The following TEAD2 variants were observed in gnomAD, a reference collection of about 807,000 sequenced individuals.
TEAD2 encodes the protein transcriptional enhancer factor TEF-4.
A neutral mutation model predicts 61.4 loss-of-function variants in TEAD2; 51 were observed. The ratio of observed to expected loss-of-function variants is 0.83; its 90% CI spans 0.66 to 1.05. The LOEUF (loss-of-function observed/expected upper bound fraction) is 1.05, where lower values mean the gene tolerates loss of function less well. Ranked by LOEUF, TEAD2 falls within the 50% of genes least tolerant of loss-of-function variation. TEAD2 has a pLI of 0.00. For missense variants in TEAD2, 509 were observed against 600.0 expected (o/e 0.85, Z 1.58); for synonymous variants, 244 against 243.2 (o/e 1.00, Z -0.03).
In TEAD2 at chr19:49,359,395, G is replaced by A. The variant is rs532004821; in HGVS notation, c.297+40C>T. On this transcript the variant is annotated intron_variant, in intron 3 of 12. Transcript: ENST00000593945. This position sits in a 1 kb window ranked among gnomAD's most constrained non-coding sequence, Gnocchi z 4.1. ...ATGCGAGGATGACCCTAAGAAGACC[G>A]GCCCATCCCAGACAGAAGCCCACAA... is the stretch of plus-strand genomic sequence containing the variant. The A allele has an allele frequency of 2.2e-5, 35 of 1,605,458 alleles. No individual in the cohort carries two copies. The highest frequency in any genetic ancestry group is 1.8e-4 in the East Asian group (8 of 44,826).
rs116297052 is a variant in TEAD2, at chr19:49,351,481, C to T, written c.540-116G>A. 8.6e-3 allele frequency: 8,166 copies of T among 954,514 alleles called. 294 individuals carry two copies. The African/African-American group carries it at 0.092, about 11-fold the overall frequency. 59.1% of individuals were successfully genotyped at this position (954,514 alleles called of 1,614,324 possible). ...CCTGTGCATTTTGTGCACAATCTCA[C>T]TGAAGCCTCACAGTGCGTGAGGTAG... On this transcript the variant is annotated intron_variant, in intron 7 of 12. Coordinates refer to ENST00000593945, the MANE Select transcript of TEAD2 (RefSeq NM_001256660.2).
At chr19:49,355,054 GGGGGACACA>G in intron 7 of TEAD2, 85 bp downstream of exon 7, 1 of 686,946 alleles carries the variant, frequency 1.5e-6, no homozygotes, top group Non-Finnish European at 2.6e-6. Flanking sequence ...TACATAAATG[GGGGGACACA>G]GGAGCTAGAA....
intron 7 of TEAD2, among the ~76,000 whole-genome samples, chr19:49,353,963 T>G (rs1199794730): frequency 6.6e-6 from 1 of 150,770 alleles, no homozygotes; most frequent in African/African-American, 2.4e-5. Context: ...TTTTGTTTTT[T>G]TTTTTTTGGT....
chr19:49,353,953 T>TTA (rs201301167), intron 7 of TEAD2, among the ~76,000 whole-genome samples: 156 of 76,196 alleles, frequency 2.0e-3, no homozygotes, highest in African/African-American at 6.6e-3. Flanking sequence ...GCTAATTGTT[T>TTA]TTTGTTTTTT....
chr19:49,353,429 C>G (rs1438550607), intron 7 of TEAD2, among the ~76,000 whole-genome samples: 1 of 152,056 alleles, frequency 6.6e-6, no homozygotes, highest in Non-Finnish European at 1.5e-5. Context: ...TGGCTAAGTC[C>G]TACCCGGCCT....
At chr19:49,360,799 A>AGG (rs66557222) in intron 1 of TEAD2, among the ~76,000 whole-genome samples, 47 of 46,228 alleles carry the variant, frequency 1.0e-3, no homozygotes, top group African/African-American at 4.1e-3. Context: ...GAGACCAGCA[A>AGG]GGGGGGGGGA....
Position 49,342,472 on chromosome 19 carries a change from A to T in TEAD2, c.1208T>A (p.Met403Lys). The T allele has an allele frequency of 6.2e-7, 1 of 1,614,152 alleles. No individual in the cohort carries two copies. The highest frequency in any genetic ancestry group is 8.5e-7 in the Non-Finnish European group (1 of 1,179,984). The change falls in exon 12 of 13, where the codon ATG becomes AAG. Residue 403 changes from methionine (M) to lysine (K), a missense_variant. Met to Lys is a moderately conservative substitution (Grantham distance 95, BLOSUM62 -1). Transcript: ENST00000593945. ...GGTGAAGTTTTCCAGGACGCTGTTC[A>T]TCATGTATCGCTCAGGCAGCTGCCG... is the stretch of plus-strand genomic sequence containing the variant. ...KLRQLPERYM[M>K]NSVLENFTIL...
At chr19:49,355,809 G>C (rs1972352988) in intron 5 of TEAD2, 150 bp downstream of exon 5, 4 of 698,516 alleles carry the variant, frequency 5.7e-6, no homozygotes, top group Middle Eastern at 3.1e-4. Flanking sequence ...TTAGGCGACA[G>C]AGCAAGACCC....
rs141007260 is a variant in TEAD2, at chr19:49,359,208, G to A, written c.297+227C>T. 0.014 allele frequency: 6,881 copies of A among 498,832 alleles called. 360 individuals carry two copies. Among genetic ancestry groups the A allele is most frequent in the African/African-American group, 0.12 (6,123 of 51,296 alleles). 30.9% of individuals were successfully genotyped at this position (498,832 alleles called of 1,614,324 possible). A position where few individuals can be genotyped will look rare whatever the true frequency, so the allele number is the denominator to read the frequency against. ...AGCCAAGATCGCGCCACTGCACTCCGGCCTGGGCAACAGAGCTAGACTCCA... is the reference window on the plus strand; with the variant it reads ...AGCCAAGATCGCGCCACTGCACTCCAGCCTGGGCAACAGAGCTAGACTCCA... On this transcript the variant is annotated intron_variant, in intron 3 of 12. Transcript: ENST00000593945. The surrounding 1 kb of genome is among the most constrained non-coding windows in gnomAD (Gnocchi z 4.1).
rs1314593854 is a variant in TEAD2, at chr19:49,348,829, T to C, written c.621A>G (p.Gln207=). The change falls in exon 9 of 13, where the codon CAA becomes CAG. Residue 207 remains glutamine, a synonymous_variant. Coordinates refer to ENST00000593945, the MANE Select transcript of TEAD2 (RefSeq NM_001256660.2). ...STDLPGYEPP[Q]ALSPLPPPTP... is the part of the protein sequence containing the mutation. Reference sequence around the variant, plus strand: ...TAGGTGGGGGCAGGGGTGAGAGGGCTTGGGGGGGCTCGTACCCTAGAGAGA... The same window carrying C: ...TAGGTGGGGGCAGGGGTGAGAGGGCCTGGGGGGGCTCGTACCCTAGAGAGA... 8 of 1,575,886 alleles carry C rather than the reference T, an allele frequency of 5.1e-6. No individual in the cohort carries two copies. Among genetic ancestry groups the C allele is most frequent in the Admixed American group, 4.0e-5 (2 of 50,106 alleles).
chr19:49,345,063 C>T (rs1233853515), intron 10 of TEAD2, among the ~76,000 whole-genome samples: 1 of 152,200 alleles, frequency 6.6e-6, no homozygotes, highest in African/African-American at 2.4e-5. Context: ...CCTCTGAACC[C>T]CTTCAGCAGC....
chr19:49,350,520 G>C (rs1971946437), intron 8 of TEAD2, among the ~76,000 whole-genome samples: 1 of 151,778 alleles, frequency 6.6e-6, no homozygotes, highest in African/African-American at 2.4e-5. Flanking sequence ...AGAGGTTGGG[G>C]GGGGTGGTTT....
At chr19:49,349,870 T>C (rs1194481759) in intron 8 of TEAD2, among the ~76,000 whole-genome samples, 1 of 152,182 alleles carries the variant, frequency 6.6e-6, no homozygotes, top group Non-Finnish European at 1.5e-5. Context: ...GCAACAGCCA[T>C]CTTGGGACAA....
In TEAD2 at chr19:49,357,237, T is replaced by C; in HGVS notation, c.360+15A>G. 6.3e-7 allele frequency: 1 copy of C among 1,576,678 alleles called. No homozygotes were observed. The highest frequency in any genetic ancestry group is 8.6e-7 in the Non-Finnish European group (1 of 1,156,110). On this transcript the variant is annotated intron_variant, in intron 4 of 12. Coordinates refer to ENST00000593945, the MANE Select transcript of TEAD2 (RefSeq NM_001256660.2). ...GTCTCTGTCCCCCTCTCAGGATGTC[T>C]GCATTGGTCCCTACCTTCAACTTGG...
chr19:49,340,625 G>A lies in TEAD2; in HGVS notation c.*699C>T, dbSNP rs1199617185. ...GGTAAAATAGCTTTATCCTCTGTCAGAACACAAACAAACAAACTTTGAGAG... is the reference window on the plus strand; with the variant it reads ...GGTAAAATAGCTTTATCCTCTGTCAAAACACAAACAAACAAACTTTGAGAG... On this transcript the variant is annotated 3_prime_UTR_variant, in exon 13 of 13. Transcript: ENST00000593945. The A allele has an allele frequency of 3.7e-6, 2 of 546,474 alleles. No individual in the cohort carries two copies. The highest frequency in any genetic ancestry group is 6.6e-6 in the Non-Finnish European group (2 of 303,084). The allele number at this position is 546,474 out of a possible 1,614,324, so 33.9% of individuals were successfully genotyped here. A position where few individuals can be genotyped will look rare whatever the true frequency, so the allele number is the denominator to read the frequency against.
At chr19:49,360,802 G>C (rs898733154) in intron 1 of TEAD2, among the ~76,000 whole-genome samples, 1 of 135,532 alleles carries the variant, frequency 7.4e-6, no homozygotes, top group Non-Finnish European at 1.6e-5. Flanking sequence ...ACCAGCAAGG[G>C]GGGGGGACAG....
rs770016990 is a variant in TEAD2, at chr19:49,351,384, C to CA, written c.540-20dup. ...CTTCACACTGAGGGAAAAAGGAAGC[C>CA]AGGGGTTAGCCAGGTAGAAAGATGC... On this transcript the variant is annotated intron_variant, in intron 7 of 12. Coordinates refer to ENST00000593945, the MANE Select transcript of TEAD2 (RefSeq NM_001256660.2). 3.1e-6 allele frequency: 5 copies of CA among 1,601,894 alleles called. No individual in the cohort carries two copies. In the South Asian group the frequency reaches 5.6e-5, roughly 18 times the overall value.
Position 49,342,452 on chromosome 19 carries a change from A to C in TEAD2, c.1228T>G (p.Phe410Val). ...CCAGGCATCACCTGGAGGATGGTGA[A>C]GTTTTCCAGGACGCTGTTCATCATG... is the stretch of plus-strand genomic sequence containing the variant. ...RYMMNSVLEN[F>V]TILQVVTNRD... Residue 410 changes from phenylalanine to valine, a missense_variant, in exon 12 of 13, where the codon TTC becomes GTC. Transcript: ENST00000593945. 6.2e-7 allele frequency: 1 copy of C among 1,613,602 alleles called. No homozygotes were observed. The highest frequency in any genetic ancestry group is 2.2e-5 in the East Asian group (1 of 44,840).
chr19:49,352,763 C>A (rs1366273262), intron 7 of TEAD2, among the ~76,000 whole-genome samples: 1 of 152,136 alleles, frequency 6.6e-6, no homozygotes, highest in African/African-American at 2.4e-5. Context: ...TGGTCTCGAA[C>A]TCCTGACCTC....
Sources: gnomAD v4.1 joint callset for allele counts (sites outside exome capture counted in the v4.1 genomes callset) on GRCh38, gnomAD v4.1.1 for gene constraint, Gnocchi (gnomAD v3.1) non-coding constraint, MANE v1.5 for transcripts, NCBI Gene and HGNC (gene_info 2026-07-23, HGNC 2026-07-21) for gene names.